Variants in DNAH17 observed in about 807,000 individuals in gnomAD.
The protein encoded by DNAH17 is axonemal beta dynein heavy chain 17.
In DNAH17, 376 loss-of-function variants were observed where a neutral mutation model predicts 485.6. The observed-to-expected ratio is 0.77, with a 90% CI of 0.71 to 0.84. DNAH17 has a LOEUF of 0.84. DNAH17 is among the 40% of genes least tolerant of loss of function. The probability of loss-of-function intolerance (pLI) is 0.00; values close to 1 mark genes in which losing one functional copy is unlikely to be tolerated. For synonymous variants in DNAH17, 3,031 were observed against 2,405.9 expected (o/e 1.26, Z -7.60); for missense variants, 6,370 against 5,839.3 (o/e 1.09, Z -2.96).
At chr17:78,488,260 T>G (rs2089699698) in intron 44 of DNAH17, among the ~76,000 whole-genome samples, 1 of 152,222 alleles carries the variant, frequency 6.6e-6, no homozygotes, top group Admixed American at 6.5e-5. Context: ...CTTCTTGCCC[T>G]GTCCCCAAGG....
intron 14 of DNAH17, among the ~76,000 whole-genome samples, chr17:78,554,246 C>A (rs200074339): frequency 6.6e-6 from 1 of 151,902 alleles, no homozygotes. Context: ...TCAAGACCAG[C>A]CTGGCCAACA....
chr17:78,497,404 CT>C, intron 37 of DNAH17, among the ~76,000 whole-genome samples: 1 of 152,220 alleles, frequency 6.6e-6, no homozygotes, highest in East Asian at 1.9e-4. Context: ...GAGCGTGCAG[CT>C]TGTCCCCTGG....
intron 56 of DNAH17, among the ~76,000 whole-genome samples, chr17:78,465,257 A>G (rs2088365436): frequency 6.6e-6 from 1 of 151,912 alleles, no homozygotes; most frequent in African/African-American, 2.4e-5. Context: ...GCTGGAGTGC[A>G]GTGGCGTGAT....
rs1042944017 is a variant in DNAH17 at position 78,449,532 on chromosome 17, T to G, written c.11093A>C (p.Glu3698Ala). ...KAIQRTTPAN[E>A]VKQRVINLTD... ...CAGGTTGATCACCCGCTGCTTCACC[T>G]CGTTGGCAGGGGTGGTCCTCTGGAT... Residue 3698 changes from glutamate (E) to alanine (A), a missense_variant, in exon 69 of 81, where the codon GAG becomes GCG. Transcript: ENST00000389840. 6.2e-7 allele frequency: 1 copy of G among 1,602,020 alleles called. No homozygotes were observed. The highest frequency in any genetic ancestry group is 2.2e-5 in the East Asian group (1 of 44,474).
intron 37 of DNAH17, chr17:78,496,532 T>C (rs920523688): frequency 1.3e-5 from 2 of 152,434 alleles, no homozygotes; most frequent in Non-Finnish European, 2.9e-5. Flanking sequence ...AGCCCTCTTA[T>C]AGCCACACCC....
At position 78,426,969 on chromosome 17, in the gene DNAH17, T is replaced by C. The variant is rs2086495926; in HGVS notation, c.12728A>G (p.Asn4243Ser). 1 of 1,610,694 alleles carries C rather than the reference T, an allele frequency of 6.2e-7. No individual in the cohort carries two copies. The highest frequency in any genetic ancestry group is 8.5e-7 in the Non-Finnish European group (1 of 1,178,550). The change falls in exon 78 of 81, where the codon AAC (asparagine) becomes AGC (serine). Residue 4243 changes from asparagine (N) to serine (S), a missense_variant. By Grantham distance (46) the Asn-to-Ser change is conservative. Coordinates refer to ENST00000389840, the MANE Select transcript of DNAH17 (RefSeq NM_173628.4). The part of the protein sequence containing the change: ...QECERMNILT[N>S]EMRRSLKELN... ...CTCCTTGAGCGAACGGCGCATTTCG[T>C]TGGTCAGGATGTTCATTCTTTCACA...
chr17:78,532,101 A>G (rs2091256527), intron 20 of DNAH17, among the ~76,000 whole-genome samples: 1 of 152,178 alleles, frequency 6.6e-6, no homozygotes. Context: ...CCCTGAGGTC[A>G]GGTACCAGAC....
At position 78,565,875 on chromosome 17, in the gene DNAH17, G is replaced by A. The variant is rs191826634; in HGVS notation, c.1569+739C>T. ...TGAGGCAGGAGAATCGTTTGAACCC[G>A]GGAGGCGGAGGTTGCAGTGTGCTGG... On this transcript the variant is annotated intron_variant, in intron 11 of 80. Transcript: ENST00000389840. Among the ~76,000 whole-genome samples, 194 of 152,206 alleles carry A rather than the reference G, an allele frequency of 1.3e-3. 2 individuals carry two copies. The highest frequency in any genetic ancestry group is 6.8e-3 in the Middle Eastern group (2 of 294).
chr17:78,436,502 G>A (rs1223071027), intron 74 of DNAH17, among the ~76,000 whole-genome samples: 1 of 152,124 alleles, frequency 6.6e-6, no homozygotes, highest in Non-Finnish European at 1.5e-5. Flanking sequence ...CACACAAAAA[G>A]TTCTAGACAG....
At chr17:78,545,645 C>T (rs532739090) in intron 16 of DNAH17, among the ~76,000 whole-genome samples, 1 of 152,284 alleles carries the variant, frequency 6.6e-6, no homozygotes, top group South Asian at 2.1e-4. Flanking sequence ...GGGATCACGG[C>T]TTCCACAAAG....
rs761320630 is a variant in DNAH17 at position 78,505,276 on chromosome 17, T to G, written c.4956+17A>C. The G allele has an allele frequency of 6.2e-7, 1 of 1,613,692 alleles. No homozygotes were observed. The highest frequency in any genetic ancestry group is 1.3e-5 in the African/African-American group (1 of 75,024). On this transcript the variant is annotated intron_variant, in intron 31 of 80. Coordinates refer to ENST00000389840, the MANE Select transcript of DNAH17 (RefSeq NM_173628.4). ...CCCTTGTCCTGGGTTCCCTGTGTGG[T>G]GTGCGCACACACTCACCTGCCCCGA...
At position 78,451,593 on chromosome 17, in the gene DNAH17, T is replaced by A; in HGVS notation, c.10610A>T (p.His3537Leu). ...CTGAGCCTGCATCTCTGGCTTGTAGTGTGGGTTGAAGTACTTGGTGTGTAG... is the reference window on the plus strand; with the variant it reads ...CTGAGCCTGCATCTCTGGCTTGTAGAGTGGGTTGAAGTACTTGGTGTGTAG... ...LILHTKYFNP[H>L]YKPEMQAQCT... The change falls in exon 66 of 81, where the codon CAC (histidine) becomes CTC (leucine). Residue 3537 changes from histidine (H) to leucine (L), a missense_variant. Coordinates refer to ENST00000389840, the MANE Select transcript of DNAH17 (RefSeq NM_173628.4). 6.2e-7 allele frequency: 1 copy of A among 1,612,344 alleles called. No homozygotes were observed. The highest frequency in any genetic ancestry group is 8.5e-7 in the Non-Finnish European group (1 of 1,179,092).
intron 9 of DNAH17, among the ~76,000 whole-genome samples, chr17:78,568,757 C>A (rs998858295): frequency 5.3e-5 from 8 of 152,146 alleles, no homozygotes; most frequent in Admixed American, 2.0e-4. Flanking sequence ...GGCCATGCAC[C>A]ATTTTTAAGT....
rs1199942036 is a variant in DNAH17 at position 78,510,611 on chromosome 17, G to A, written c.4114-105C>T. 26 of 1,494,910 alleles carry A rather than the reference G, an allele frequency of 1.7e-5. 1 individual carries two copies. The East Asian group carries it at 2.3e-4, about 13-fold the overall frequency. 92.6% of individuals were successfully genotyped at this position (1,494,910 alleles called of 1,614,324 possible). A position where few individuals can be genotyped will look rare whatever the true frequency, so the allele number is the denominator to read the frequency against. On this transcript the variant is annotated intron_variant, in intron 26 of 80. Transcript: ENST00000389840. ...AGAGCCATTGCCGGGGCACGATCCC[G>A]GGCTGCTGGAGGGAGGGAGGCGAGC... is the stretch of plus-strand genomic sequence containing the variant.
At chr17:78,461,832 C>T (rs934802129) in intron 57 of DNAH17, 124 bp from the exon 58 acceptor site, 63 of 815,424 alleles carry the variant, frequency 7.7e-5, no homozygotes, top group East Asian at 1.8e-4. Flanking sequence ...TCTTACGACT[C>T]CCAGTGACTC....
At position 78,537,315 on chromosome 17, in the gene DNAH17, T is replaced by A. The variant is rs1415273880; in HGVS notation, c.2843A>T (p.Asp948Val). The A allele has an allele frequency of 2.5e-6, 4 of 1,570,510 alleles. No homozygotes were observed. Among genetic ancestry groups the A allele is most frequent in the African/African-American group, 1.4e-5 (1 of 73,830 alleles). ...AGGACTGACCTTGTAGTTCATCCTG[T>A]CCTTGGCCAGCCGAGGGATGAGCCT... Reference protein sequence around the residue: ...VARLIPRLAKDRMNYKMDLED... With the variant: ...VARLIPRLAKVRMNYKMDLED... The change falls in exon 19 of 81, where the codon GAC (aspartate) becomes GTC (valine). Residue 948 changes from aspartate to valine, a missense_variant. Transcript: ENST00000389840.
In DNAH17 at chr17:78,437,776, G is replaced by A. The variant is rs757256668; in HGVS notation, c.11898C>T (p.Ile3966=). The A allele has an allele frequency of 5.6e-6, 9 of 1,612,600 alleles. No homozygotes were observed. The highest frequency in any genetic ancestry group is 7.6e-6 in the Non-Finnish European group (9 of 1,179,772). ...CGGGGCTGGGGGCAGGCTCCGCGCT[G>A]ATGAACACCCGGTAGTCCTCATGGC... ...TGSHEDYRVF[I]SAEPAPSPET... is the part of the protein sequence containing the mutation. The change falls in exon 74 of 81, where the codon ATC becomes ATT. Residue 3966 remains isoleucine, a synonymous_variant. Transcript: ENST00000389840.
At chr17:78,561,641 G>T in intron 12 of DNAH17, 74 bp downstream of exon 12, 2 of 1,492,422 alleles carry the variant, frequency 1.3e-6, no homozygotes, top group South Asian at 1.3e-5. Flanking sequence ...TCCCGCTCGG[G>T]GTTGGGACAG....
chr17:78,443,539 G>A (rs983944961), intron 71 of DNAH17, among the ~76,000 whole-genome samples: 2 of 84,428 alleles, frequency 2.4e-5, no homozygotes, highest in Non-Finnish European at 4.9e-5. Flanking sequence ...TTGTCAGAAG[G>A]GAATTCTTTT....
Sources: gnomAD v4.1 joint callset for allele counts (sites outside exome capture counted in the v4.1 genomes callset) on GRCh38, gnomAD v4.1.1 for gene constraint, MANE v1.5 for transcripts, NCBI Gene and HGNC (gene_info 2026-07-23, HGNC 2026-07-21) for gene names.